SLC2A13: variants seen among roughly 807,000 people sequenced by gnomAD.
SLC2A13 encodes proton myo-inositol cotransporter.
SLC2A13 carries 32 observed loss-of-function variants against 64.4 expected under a neutral mutation model. The observed-to-expected ratio is 0.50, with a 90% confidence interval of 0.37 to 0.67. The LOEUF is 0.67. SLC2A13 is among the 30% of genes least tolerant of loss of function. The probability of loss-of-function intolerance (pLI) is 0.00; values close to 1 mark genes in which losing one functional copy is unlikely to be tolerated. For synonymous variants in SLC2A13, 338 were observed against 327.1 expected, an observed-to-expected ratio of 1.03 and a Z score of -0.36; for missense variants, 743 against 829.2, an observed-to-expected ratio of 0.90 and a Z score of 1.28.
At chr12:39,855,932 G>A (rs1458090548) in intron 6 of SLC2A13, among the ~76,000 whole-genome samples, 1 of 152,160 alleles carries the variant, frequency 6.6e-6, no homozygotes, top group Admixed American at 6.5e-5. Flanking sequence ...GAGTCACTGA[G>A]GGATGGCCTA....
At chr12:39,821,456 G>T (rs1942507946) in intron 7 of SLC2A13, among the ~76,000 whole-genome samples, 1 of 152,042 alleles carries the variant, frequency 6.6e-6, no homozygotes, top group African/African-American at 2.4e-5. Context: ...AGAATCCAGG[G>T]TATCTTGCTA....
chr12:39,820,069 G>A (rs1387115891), intron 7 of SLC2A13, among the ~76,000 whole-genome samples: 1 of 151,972 alleles, frequency 6.6e-6, no homozygotes, highest in Non-Finnish European at 1.5e-5. Flanking sequence ...TGTCCATGCA[G>A]AACAGCTCTA....
At chr12:40,012,758 T>C (rs989903277) in intron 3 of SLC2A13, among the ~76,000 whole-genome samples, 3 of 152,160 alleles carry the variant, frequency 2.0e-5, no homozygotes, top group South Asian at 2.1e-4. Flanking sequence ...GTTATTATAT[T>C]GGTTCAGTAA....
chr12:39,835,958 C>A (rs1047749195), intron 6 of SLC2A13, among the ~76,000 whole-genome samples: 1 of 152,028 alleles, frequency 6.6e-6, no homozygotes, highest in Non-Finnish European at 1.5e-5. Context: ...GTGGTGAAAG[C>A]CACAAATATT....
intron 3 of SLC2A13, among the ~76,000 whole-genome samples, chr12:39,970,154 T>C (rs1341454813): frequency 6.6e-6 from 1 of 152,228 alleles, no homozygotes; most frequent in Admixed American, 6.5e-5. Flanking sequence ...GTTCCGTTGA[T>C]CTATATCTCT....
intron 4 of SLC2A13, among the ~76,000 whole-genome samples, chr12:39,875,307 G>A (rs1314781453): frequency 6.6e-6 from 1 of 152,094 alleles, no homozygotes; most frequent in South Asian, 2.1e-4. Flanking sequence ...CCCTTCCTCA[G>A]TCTTCAAAGC....
intron 4 of SLC2A13, among the ~76,000 whole-genome samples, chr12:39,930,705 A>G (rs551950294): frequency 3.3e-5 from 5 of 152,334 alleles, no homozygotes; most frequent in Non-Finnish European, 7.3e-5. Context: ...TTGTGTATGT[A>G]ATACTGTGAT....
At chr12:40,083,332 A>C (rs1938476776) in intron 1 of SLC2A13, among the ~76,000 whole-genome samples, 1 of 152,124 alleles carries the variant, frequency 6.6e-6, no homozygotes, top group South Asian at 2.1e-4. Flanking sequence ...CTATGCATAA[A>C]ACCAGGATTT....
chr12:39,803,771 C>G, intron 7 of SLC2A13, among the ~76,000 whole-genome samples: 1 of 151,952 alleles, frequency 6.6e-6, no homozygotes, highest in South Asian at 2.1e-4. Context: ...ATGCATCTCA[C>G]CGGAATTCCA....
intron 3 of SLC2A13, among the ~76,000 whole-genome samples, chr12:39,984,369 G>T (rs984165006): frequency 6.6e-6 from 1 of 151,760 alleles, no homozygotes; most frequent in East Asian, 1.9e-4. Context: ...ACAGAGCAAC[G>T]GTAAGTGCAA....
At chr12:39,921,817 A>C (rs1162735694) in intron 4 of SLC2A13, among the ~76,000 whole-genome samples, 1 of 152,162 alleles carries the variant, frequency 6.6e-6, no homozygotes, top group Non-Finnish European at 1.5e-5. Context: ...CAACATGACT[A>C]ATTTGAATAA....
At chr12:40,069,257 T>C (rs1937862915) in intron 1 of SLC2A13, among the ~76,000 whole-genome samples, 1 of 152,164 alleles carries the variant, frequency 6.6e-6, no homozygotes, top group Admixed American at 6.6e-5. Flanking sequence ...CTCTTTCTGG[T>C]ATTCATTCCC....
rs543620633 is a variant in SLC2A13, at chr12:39,993,536, C to G, written c.925+34765G>C. ...TCAGTAAAAACTGCAGAACAATGAG[C>G]TAGCTTAAGAGTTATCTGAATACTA... On this transcript the variant is annotated intron_variant, in intron 3 of 9. Transcript: ENST00000280871. Among the ~76,000 whole-genome samples the G allele has an allele frequency of 3.3e-5, 5 of 152,318 alleles. No homozygotes were observed. In the East Asian group the frequency reaches 9.6e-4, roughly 29 times the overall value.
chr12:40,027,709 G>A (rs1947838643), intron 3 of SLC2A13, among the ~76,000 whole-genome samples: 1 of 152,218 alleles, frequency 6.6e-6, no homozygotes, highest in African/African-American at 2.4e-5. Flanking sequence ...TGGGAAATGT[G>A]AAGTGAGCAG....
chr12:39,932,335 T>C (rs1408634704), intron 4 of SLC2A13, among the ~76,000 whole-genome samples: 2 of 152,172 alleles, frequency 1.3e-5, no homozygotes, highest in Non-Finnish European at 2.9e-5. Context: ...AATGATCCAA[T>C]GCTTAAAATG....
rs549984891 is a variant in SLC2A13 at position 39,958,018 on chromosome 12, C to T, written c.926-6653G>A. ...TAAGGAAGGACCCACAAGAGGTATGCCACTCAGGTACATACAAAACAGAAG... is the reference window on the plus strand; with the variant it reads ...TAAGGAAGGACCCACAAGAGGTATGTCACTCAGGTACATACAAAACAGAAG... On this transcript the variant is annotated intron_variant, in intron 3 of 9. Coordinates refer to ENST00000280871, the MANE Select transcript of SLC2A13 (RefSeq NM_052885.4). Among the ~76,000 whole-genome samples, 13 of 152,272 alleles carry T rather than the reference C, an allele frequency of 8.5e-5. No homozygotes were observed. In the East Asian group the frequency reaches 2.5e-3, roughly 29 times the overall value.
chr12:40,000,595 T>C (rs534913394), intron 3 of SLC2A13, among the ~76,000 whole-genome samples: 5 of 152,298 alleles, frequency 3.3e-5, no homozygotes, highest in Non-Finnish European at 5.9e-5. Flanking sequence ...TCCAAGATCA[T>C]GGCATTGGCA....
At chr12:39,997,568 C>T (rs184018729) in intron 3 of SLC2A13, among the ~76,000 whole-genome samples, 10 of 152,266 alleles carry the variant, frequency 6.6e-5, no homozygotes, top group Non-Finnish European at 5.9e-5. Flanking sequence ...TAATGGCTCA[C>T]GCCTGTAATC....
At chr12:40,026,972 C>T (rs888982566) in intron 3 of SLC2A13, among the ~76,000 whole-genome samples, 9 of 151,754 alleles carry the variant, frequency 5.9e-5, no homozygotes, top group African/African-American at 2.2e-4. Flanking sequence ...CCCAGCTACT[C>T]GGGAGGCCGA....
Sources: gnomAD v4.1 joint callset for allele counts (sites outside exome capture counted in the v4.1 genomes callset) on GRCh38, gnomAD v4.1.1 for gene constraint, MANE v1.5 for transcripts, NCBI Gene and HGNC (gene_info 2026-07-23, HGNC 2026-07-21) for gene names.